The following CC2D1A variants were observed in gnomAD, a reference collection of about 807,000 sequenced individuals.
CC2D1A encodes coiled-coil and C2 domain containing 1A.
CC2D1A carries 68 observed loss-of-function variants against 123.8 expected under a neutral mutation model. The ratio of observed to expected loss-of-function variants is 0.55; its 90% CI spans 0.45 to 0.67. The LOEUF (loss-of-function observed/expected upper bound fraction) is 0.67. Ranked by LOEUF, CC2D1A falls within the 30% of genes least tolerant of loss-of-function variation. CC2D1A has a pLI of 0.00. For missense variants in CC2D1A, 1,185 were observed against 1,290.3 expected, an observed-to-expected ratio of 0.92 and a Z score of 1.25; for synonymous variants, 477 against 528.0, an observed-to-expected ratio of 0.90 and a Z score of 1.32.
At chr19:13,920,471 G>A in intron 12 of CC2D1A, 86 bp from the exon 13 acceptor site, 1 of 835,254 alleles carries the variant, frequency 1.2e-6, no homozygotes, top group Non-Finnish European at 2.0e-6. Flanking sequence ...AATGACCACT[G>A]TTGTCACCAT....
intron 17 of CC2D1A, among the ~76,000 whole-genome samples, chr19:13,924,881 T>C (rs1433150540): frequency 6.6e-6 from 1 of 152,254 alleles, no homozygotes; most frequent in South Asian, 2.1e-4. Context: ...GCCTGGCTCC[T>C]TGTCACCTCT....
chr19:13,929,706 T>C (rs1382893679), intron 26 of CC2D1A, 46 bp downstream of exon 26: 3 of 580,054 alleles, frequency 5.2e-6, no homozygotes, highest in African/African-American at 3.2e-5. Flanking sequence ...AGCTCCAGGA[T>C]AGGCATGGGG....
intron 17 of CC2D1A, among the ~76,000 whole-genome samples, chr19:13,926,058 G>GTATATATATA (rs201590156): frequency 1.0e-5 from 1 of 98,982 alleles, no homozygotes; most frequent in African/African-American, 4.8e-5. Flanking sequence ...GTATATATAT[G>GTATATATATA]TATATATACA....
At position 13,909,850 on chromosome 19, in the gene CC2D1A, G is replaced by T. The variant is rs1599377699; in HGVS notation, c.88G>T (p.Asp30Tyr). ...GGGCCTGCTGGTTGACCTCTCCCCA[G>T]ATGGCCTGATGATCCCTGAGGACGG... ...QLGLLVDLSP[D>Y]GLMIPEDGAN... Residue 30 changes from aspartate (D) to tyrosine (Y), a missense_variant, in exon 2 of 29, where the codon GAT (aspartate) becomes TAT (tyrosine). Transcript: ENST00000318003. 3.8e-6 allele frequency: 6 copies of T among 1,582,400 alleles called. No homozygotes were observed. Among genetic ancestry groups the T allele is most frequent in the Non-Finnish European group, 5.2e-6 (6 of 1,160,806 alleles).
chr19:13,930,721 T>C lies in CC2D1A; in HGVS notation c.*326T>C. On this transcript the variant is annotated 3_prime_UTR_variant, in exon 29 of 29. Coordinates refer to ENST00000318003, the MANE Select transcript of CC2D1A (RefSeq NM_017721.5). This position sits in a 1 kb window ranked among gnomAD's most constrained non-coding sequence, Gnocchi z 6.8. The stretch of plus-strand genomic sequence containing the variant: ...GCCCCGAGGGCCCCTGCAAGCACTT[T>C]ACTTCCTGTTCCTCCCCAGCCTTAA... The C allele has an allele frequency of 2.2e-6, 1 of 446,682 alleles. No individual in the cohort carries two copies. The highest frequency in any genetic ancestry group is 4.4e-5 in the South Asian group (1 of 22,836). The allele number at this position is 446,682 out of a possible 1,614,324, so 27.7% of individuals were successfully genotyped here.
Position 13,925,928 on chromosome 19 carries a change from AAAAAAATATAT to A in CC2D1A, c.1941-587_1941-577del, listed in dbSNP as rs1249633810. 1.0e-4 allele frequency among the ~76,000 whole-genome samples: 11 copies of A among 105,686 alleles called. 1 individual carries two copies. The highest frequency in any genetic ancestry group is 4.3e-4 in the African/African-American group (10 of 23,306). The allele number at this position is 105,686 out of a possible 152,430, so 69.3% of individuals were successfully genotyped here. A position where few individuals can be genotyped will look rare whatever the true frequency, so the allele number is the denominator to read the frequency against. On this transcript the variant is annotated intron_variant, in intron 17 of 28. Coordinates refer to ENST00000318003, the MANE Select transcript of CC2D1A (RefSeq NM_017721.5). ...GAGCAAGACTCTGTCTAAAAAAAAA[AAAAAAATATAT>A]ATATATATATATATATATATACACG...
chr19:13,929,343 A>G lies in CC2D1A; in HGVS notation c.2520-36A>G, dbSNP rs1229699975. 3 of 1,605,886 alleles carry G rather than the reference A, an allele frequency of 1.9e-6. No individual in the cohort carries two copies. The South Asian group carries it at 3.3e-5, about 18-fold the overall frequency. On this transcript the variant is annotated intron_variant, in intron 24 of 28. Transcript: ENST00000318003. ...GAATTAACAGGGTTGGGCTGGGGGA[A>G]TCTCTGCAGTCCCTTATCCTTCCTC...
At chr19:13,910,780 G>A (rs544281097) in intron 2 of CC2D1A, among the ~76,000 whole-genome samples, 5 of 152,038 alleles carry the variant, frequency 3.3e-5, no homozygotes, top group Middle Eastern at 3.2e-3. Flanking sequence ...GCTTGGTGGC[G>A]AACACCTGTA....
rs754922499 is a variant in CC2D1A at position 13,913,186 on chromosome 19, C to T, written c.397C>T (p.His133Tyr). 6.8e-6 allele frequency: 11 copies of T among 1,611,658 alleles called. No homozygotes were observed. In the South Asian group the frequency reaches 9.9e-5, roughly 15 times the overall value. Reference sequence around the variant, plus strand: ...CCCACAGCCGAAGCCTGAGGCCCCTCATCCGGGGCTGGAGACCACCTTGCA... The same window carrying T: ...CCCACAGCCGAAGCCTGAGGCCCCTTATCCGGGGCTGGAGACCACCTTGCA... ...PVAQPKPEAPHPGLETTLQER... is the reference protein window; with the variant it reads ...PVAQPKPEAPYPGLETTLQER... The change falls in exon 5 of 29, where the codon CAT becomes TAT. Residue 133 changes from histidine (H) to tyrosine (Y), a missense_variant. His to Tyr is a moderately conservative substitution (Grantham distance 83). Transcript: ENST00000318003.
At chr19:13,911,473 A>C (rs1207283345) in intron 2 of CC2D1A, among the ~76,000 whole-genome samples, 1 of 151,940 alleles carries the variant, frequency 6.6e-6, no homozygotes, top group Admixed American at 6.6e-5. Context: ...GAGAGGTGAC[A>C]TCACTTGCCG....
chr19:13,906,890 G>A lies in CC2D1A; in HGVS notation c.60+389G>A, dbSNP rs1970772262. On this transcript the variant is annotated intron_variant, in intron 1 of 28. Coordinates refer to ENST00000318003, the MANE Select transcript of CC2D1A (RefSeq NM_017721.5). This position sits in a 1 kb window ranked among gnomAD's most constrained non-coding sequence, Gnocchi z 4.1. ...GTCATAGGGATTAACAGCTTGGCCA[G>A]GGCTAAGCACAAATCCAGGGCTGCA... 6.6e-6 allele frequency among the ~76,000 whole-genome samples: 1 copy of A among 152,208 alleles called. No homozygotes were observed. Among genetic ancestry groups the A allele is most frequent in the African/African-American group, 2.4e-5 (1 of 41,452 alleles).
rs762564985 is a variant in CC2D1A, at chr19:13,929,460, C to T, written c.2583+18C>T. On this transcript the variant is annotated intron_variant, in intron 25 of 28. Transcript: ENST00000318003. Reference sequence around the variant, plus strand: ...AGCGGAAGGTGGGTATCCATCCTGCCGGGCTACATGGGGCAGGACTGGGGA... The same window carrying T: ...AGCGGAAGGTGGGTATCCATCCTGCTGGGCTACATGGGGCAGGACTGGGGA... The T allele has an allele frequency of 2.3e-5, 37 of 1,612,880 alleles. No homozygotes were observed. The highest frequency in any genetic ancestry group is 5.4e-5 in the African/African-American group (4 of 74,752).
At chr19:13,926,032 A>ATATATATATACGTATATATATGTG (rs1568418957) in intron 17 of CC2D1A, among the ~76,000 whole-genome samples, 7 of 88,354 alleles carry the variant, frequency 7.9e-5, no homozygotes, top group African/African-American at 1.5e-4. Flanking sequence ...ATATGTGTAT[A>ATATATATATACGTATATATATGTG]TATATATATA....
chr19:13,913,421 C>G lies in CC2D1A; in HGVS notation c.531C>G (p.Leu177=), dbSNP rs372771537. Reference sequence around the variant, plus strand: ...TATCTTAGACACTGGAAAACCTGCTCGCCTCCATCCGTAAGGGCAATGCCA... The same window carrying G: ...TATCTTAGACACTGGAAAACCTGCTGGCCTCCATCCGTAAGGGCAATGCCA... The part of the protein sequence containing the change: ...DRGLKTLENL[L]ASIRKGNAID... Residue 177 remains leucine, a synonymous_variant, in exon 6 of 29, where the codon CTC becomes CTG. Transcript: ENST00000318003. The G allele has an allele frequency of 3.7e-6, 6 of 1,613,924 alleles. No individual in the cohort carries two copies. The African/African-American group carries it at 8.0e-5, about 22-fold the overall frequency.
intron 9 of CC2D1A, 30 bp downstream of exon 9, chr19:13,918,847 G>A (rs1208547239): frequency 6.2e-7 from 1 of 1,610,966 alleles, no homozygotes; most frequent in Non-Finnish European, 8.5e-7. Flanking sequence ...GGGGTTGGGG[G>A]CAGGCTGGAG....
rs1013213460 is a variant in CC2D1A, at chr19:13,913,617, G to A, written c.727G>A (p.Ala243Thr). Reference sequence around the variant, plus strand: ...CGCCCCAGCCTCATCTCCAGGCTTGGCTAAGCCCCAGATGCCCCCAGGTAG... The same window carrying A: ...CGCCCCAGCCTCATCTCCAGGCTTGACTAAGCCCCAGATGCCCCCAGGTAG... ...ATAPASSPGL[A>T]KPQMPPGPCS... Residue 243 changes from alanine (A) to threonine (T), a missense_variant, in exon 6 of 29, where the codon GCT becomes ACT. By Grantham distance (58) the Ala-to-Thr change is moderately conservative (BLOSUM62 0). Transcript: ENST00000318003. The A allele has an allele frequency of 1.2e-6, 2 of 1,608,892 alleles. No individual in the cohort carries two copies. Among genetic ancestry groups the A allele is most frequent in the African/African-American group, 1.3e-5 (1 of 74,846 alleles).
chr19:13,927,306 T>C (rs1477422856), intron 22 of CC2D1A, 41 bp downstream of exon 22: 1 of 1,495,130 alleles, frequency 6.7e-7, no homozygotes, highest in Non-Finnish European at 9.3e-7. Context: ...GGTATGGCCA[T>C]GCTACTCGTT....
At chr19:13,918,618 C>A in intron 8 of CC2D1A, 42 bp downstream of exon 8, 1 of 1,602,502 alleles carries the variant, frequency 6.2e-7, no homozygotes. Context: ...TGGTTTCAGG[C>A]ATACACTAAG....
At position 13,920,638 on chromosome 19, in the gene CC2D1A, A is replaced by C; in HGVS notation, c.1438A>C (p.Lys480Gln). 1 of 1,610,148 alleles carries C rather than the reference A, an allele frequency of 6.2e-7. No individual in the cohort carries two copies. Among genetic ancestry groups the C allele is most frequent in the Non-Finnish European group, 8.5e-7 (1 of 1,178,234 alleles). Reference protein sequence around the residue: ...TPQSGSAPTAKAPPKATSTRA... With the variant: ...TPQSGSAPTAQAPPKATSTRA... Reference sequence around the variant, plus strand: ...CCAGTCGGGATCAGCCCCAACAGCCAAAGCGCCCCCCAAAGCCACATCCAC... The same window carrying C: ...CCAGTCGGGATCAGCCCCAACAGCCCAAGCGCCCCCCAAAGCCACATCCAC... The change falls in exon 13 of 29, where the codon AAA becomes CAA. Residue 480 changes from lysine (K) to glutamine (Q), a missense_variant. By Grantham distance (53) the Lys-to-Gln change is moderately conservative (BLOSUM62 1). Transcript: ENST00000318003.
Sources: allele counts gnomAD v4.1 joint callset (sites outside exome capture counted in the v4.1 genomes callset), GRCh38; gene constraint gnomAD v4.1.1; non-coding constraint Gnocchi (gnomAD v3.1); transcripts MANE v1.5; gene names NCBI Gene and HGNC (gene_info 2026-07-23, HGNC 2026-07-21).